USH2A: variants seen among roughly 807,000 people sequenced by gnomAD.
USH2A encodes usherin.
A neutral mutation model predicts 538.9 loss-of-function variants in USH2A; 443 were observed. The observed-to-expected ratio is 0.82, with a 90% CI of 0.76 to 0.89. USH2A has a LOEUF of 0.89. Ranked by LOEUF, USH2A falls within the 40% of genes least tolerant of loss-of-function variation. The probability of loss-of-function intolerance (pLI) is 0.00; values close to 1 mark genes in which losing one functional copy is unlikely to be tolerated. For missense variants in USH2A, 6,633 were observed against 6,324.8 expected (o/e 1.05, Z -1.65); for synonymous variants, 2,413 against 2,273.5 (o/e 1.06, Z -1.75).
At chr1:215,771,672 T>C (rs1382401560) in intron 55 of USH2A, among the ~76,000 whole-genome samples, 2 of 149,248 alleles carry the variant, frequency 1.3e-5, no homozygotes, top group Admixed American at 1.3e-4. Flanking sequence ...AATATTATTA[T>C]GAGTCATGTA....
chr1:215,622,947 ATTT>A lies in USH2A; in HGVS notation c.*2831_*2833del, dbSNP rs1474644124. 3.3e-5 allele frequency: 5 copies of A among 152,230 alleles called. No individual in the cohort carries two copies. In the East Asian group the frequency reaches 9.7e-4, roughly 29 times the overall value. The allele number at this position is 152,230 out of a possible 1,614,324, so 9.4% of individuals were successfully genotyped here. Reference sequence around the variant, plus strand: ...CCATCTTTAGATTAGTTTACATGATATTTGTGCATTGGAAACCAACTATTCATT... The same window carrying A: ...CCATCTTTAGATTAGTTTACATGATAGTGCATTGGAAACCAACTATTCATT... On this transcript the variant is annotated 3_prime_UTR_variant, in exon 72 of 72. Coordinates refer to ENST00000307340, the MANE Select transcript of USH2A (RefSeq NM_206933.4).
At chr1:216,214,441 T>C (rs1311692767) in intron 15 of USH2A, among the ~76,000 whole-genome samples, 1 of 151,670 alleles carries the variant, frequency 6.6e-6, no homozygotes, top group Non-Finnish European at 1.5e-5. Flanking sequence ...AGCCTATACA[T>C]TGCAAAAAGT....
At chr1:216,197,886 A>C (rs1022298083) in intron 18 of USH2A, among the ~76,000 whole-genome samples, 1 of 152,132 alleles carries the variant, frequency 6.6e-6, no homozygotes, top group Non-Finnish European at 1.5e-5. Flanking sequence ...TATCTAAACT[A>C]TTTATTTTGG....
At chr1:216,071,704 T>TA (rs1419955292) in intron 29 of USH2A, among the ~76,000 whole-genome samples, 1 of 152,176 alleles carries the variant, frequency 6.6e-6, no homozygotes, top group African/African-American at 2.4e-5. Flanking sequence ...TCCAGACGCC[T>TA]ATTAATGTTG....
At chr1:216,223,752 T>C (rs368761149) in intron 14 of USH2A, among the ~76,000 whole-genome samples, 13 of 152,208 alleles carry the variant, frequency 8.5e-5, no homozygotes, top group East Asian at 5.8e-4. Context: ...ACTCCCTAAT[T>C]TTTCCATTAT....
chr1:216,036,485 G>A (rs559523330), intron 32 of USH2A, among the ~76,000 whole-genome samples: 16 of 151,984 alleles, frequency 1.1e-4, no homozygotes, highest in East Asian at 1.9e-4. Flanking sequence ...ATATTTTAAC[G>A]AATTAGACTC....
intron 9 of USH2A, among the ~76,000 whole-genome samples, chr1:216,308,034 G>C (rs1234417405): frequency 6.6e-6 from 1 of 152,178 alleles, no homozygotes; most frequent in African/African-American, 2.4e-5. Context: ...AAAAGTTCAT[G>C]ATGTGTGTCT....
intron 44 of USH2A, among the ~76,000 whole-genome samples, chr1:215,852,439 G>C (rs1197782686): frequency 6.6e-6 from 1 of 152,080 alleles, no homozygotes; most frequent in Non-Finnish European, 1.5e-5. Context: ...TGAGATTTAG[G>C]TGGGGACACA....
At chr1:216,122,858 AT>A (rs1229245487) in intron 21 of USH2A, among the ~76,000 whole-genome samples, 1 of 152,232 alleles carries the variant, frequency 6.6e-6, no homozygotes, top group East Asian at 1.9e-4. Flanking sequence ...TTGCTATACA[AT>A]TAAACTATAG....
rs1017135574 is a variant in USH2A at position 216,417,097 on chromosome 1, G to A, written c.651+1417C>T. The stretch of plus-strand genomic sequence containing the variant: ...TCATGTCCTATGCACAAGGCTTGAC[G>A]TCAGACATGACGTCCCCTTTGTGTA... On this transcript the variant is annotated intron_variant, in intron 3 of 71. Coordinates refer to ENST00000307340, the MANE Select transcript of USH2A (RefSeq NM_206933.4). Among the ~76,000 whole-genome samples, 7 of 152,012 alleles carry A rather than the reference G, an allele frequency of 4.6e-5. No homozygotes were observed. In the East Asian group the frequency reaches 1.2e-3, roughly 25 times the overall value.
chr1:216,306,475 TTAA>T (rs1034055177), intron 9 of USH2A, among the ~76,000 whole-genome samples: 3 of 152,222 alleles, frequency 2.0e-5, no homozygotes, highest in African/African-American at 7.2e-5. Context: ...CTTCAGTCAC[TTAA>T]TAATCAACCT....
In USH2A at chr1:215,782,724, A is replaced by T; in HGVS notation, c.10585+14T>A. 6.2e-7 allele frequency: 1 copy of T among 1,609,916 alleles called. No homozygotes were observed. The highest frequency in any genetic ancestry group is 8.5e-7 in the Non-Finnish European group (1 of 1,177,060). ...TGGGATTTTGTTATTTGTATTTTAA[A>T]GGTATCTCAATACCATTTGATTGTA... On this transcript the variant is annotated intron_variant, in intron 53 of 71. Transcript: ENST00000307340.
intron 21 of USH2A, among the ~76,000 whole-genome samples, chr1:216,132,124 C>T (rs144997045): frequency 2.6e-3 from 403 of 152,196 alleles, no homozygotes; most frequent in African/African-American, 9.2e-3. Context: ...TTATCTTATT[C>T]TGCTTTTATG....
chr1:215,974,049 A>G (rs1341000686), intron 35 of USH2A, among the ~76,000 whole-genome samples: 7 of 151,890 alleles, frequency 4.6e-5, no homozygotes, highest in Non-Finnish European at 1.0e-4. Flanking sequence ...TGAATTGTGG[A>G]ACCACACTGT....
rs2102483271 is a variant in USH2A, at chr1:216,000,505, C to G, written c.6383G>C (p.Cys2128Ser). The change falls in exon 33 of 72, where the codon TGT (cysteine) becomes TCT (serine). Residue 2128 changes from cysteine (C) to serine (S), a missense_variant. Physicochemically the swap from Cys to Ser is moderately radical, Grantham distance 112. Transcript: ENST00000307340. ...CAGTAGGACCCAGGAACTGTTTGTA[C>G]AGCCCACATGTGTGCATGCACTTAG... ...FLLSACTHVG[C>S]TNSSWVLLYT... 6.2e-7 allele frequency: 1 copy of G among 1,613,656 alleles called. No homozygotes were observed. The highest frequency in any genetic ancestry group is 8.5e-7 in the Non-Finnish European group (1 of 1,179,696).
At chr1:215,815,654 C>G (rs1297635464) in intron 48 of USH2A, among the ~76,000 whole-genome samples, 7 of 151,904 alleles carry the variant, frequency 4.6e-5, no homozygotes, top group South Asian at 4.1e-4. Flanking sequence ...TCTGTTAATA[C>G]TTTATTAATA....
rs768813865 is a variant in USH2A at position 216,323,483 on chromosome 1, A to G, written c.1541T>C (p.Ile514Thr). The G allele has an allele frequency of 1.1e-5, 17 of 1,613,174 alleles. No individual in the cohort carries two copies. The highest frequency in any genetic ancestry group is 1.4e-5 in the Non-Finnish European group (17 of 1,179,604). Residue 514 changes from isoleucine to threonine, a missense_variant, in exon 8 of 72, where the codon ATT (isoleucine) becomes ACT (threonine). Ile to Thr is a moderately conservative substitution (Grantham distance 89, BLOSUM62 -1). Coordinates refer to ENST00000307340, the MANE Select transcript of USH2A (RefSeq NM_206933.4). ...AAATTCATAATAATACCTCCCACTA[A>G]TGGTGATTTCGTCCACTGCATAATA... ...HRYYAVDEIT[I>T]SGRCQCHGHA...
At chr1:216,085,638 G>T (rs2032105632) in intron 24 of USH2A, among the ~76,000 whole-genome samples, 1 of 151,948 alleles carries the variant, frequency 6.6e-6, no homozygotes, top group African/African-American at 2.4e-5. Context: ...TACAGGAAGG[G>T]TACTTAGTAT....
At chr1:216,404,960 A>T in intron 3 of USH2A, among the ~76,000 whole-genome samples, 2 of 150,682 alleles carry the variant, frequency 1.3e-5, no homozygotes, top group South Asian at 4.2e-4. Flanking sequence ...GGCTGGTCTC[A>T]AACTCCAGAG....
Sources: allele counts gnomAD v4.1 joint callset (sites outside exome capture counted in the v4.1 genomes callset), GRCh38; gene constraint gnomAD v4.1.1; transcripts MANE v1.5; gene names NCBI Gene and HGNC (gene_info 2026-07-23, HGNC 2026-07-21).